Variants in SCHIP1 observed in about 807,000 individuals in gnomAD.
SCHIP1 encodes the protein schwannomin-interacting protein 1.
A neutral mutation model predicts 29.7 loss-of-function variants in SCHIP1; 8 were observed. The observed-to-expected ratio is 0.27, with a 90% CI of 0.16 to 0.49. The LOEUF (loss-of-function observed/expected upper bound fraction) is 0.49, where lower values mean the gene tolerates loss of function less well. SCHIP1 is among the 20% of genes least tolerant of loss of function. The pLI is 0.99. For missense variants in SCHIP1, 193 were observed against 294.6 expected (o/e 0.66, Z 2.52); for synonymous variants, 76 against 94.9 (o/e 0.80, Z 1.16).
At chr3:159,763,185 G>A in the SCHIP1 span, among the ~76,000 whole-genome samples, 1 of 152,180 alleles carries the variant, frequency 6.6e-6, no homozygotes, top group Non-Finnish European at 1.5e-5. Context: ...CTGGAGCTGC[G>A]CGGTGGAGGG....
the SCHIP1 span, among the ~76,000 whole-genome samples, chr3:159,438,882 G>A: frequency 1.4e-4 from 22 of 152,196 alleles, no homozygotes; most frequent in African/African-American, 4.8e-4. Flanking sequence ...TCTCTATCCT[G>A]TCTATCACTG....
the SCHIP1 span, among the ~76,000 whole-genome samples, chr3:159,522,787 T>C: frequency 6.6e-6 from 1 of 152,182 alleles, no homozygotes; most frequent in African/African-American, 2.4e-5. Flanking sequence ...GAGAATCCCT[T>C]GAACCTGGGA....
At chr3:159,357,450 G>GA in the SCHIP1 span, among the ~76,000 whole-genome samples, 1 of 152,186 alleles carries the variant, frequency 6.6e-6, no homozygotes, top group Non-Finnish European at 1.5e-5. Flanking sequence ...ACACAGACTG[G>GA]AAAATCAGTG....
chr3:159,786,976 C>T, the SCHIP1 span, among the ~76,000 whole-genome samples: 3 of 152,214 alleles, frequency 2.0e-5, no homozygotes, highest in African/African-American at 7.2e-5. Flanking sequence ...AGGTGCGTGA[C>T]TGGCCAGCTT....
chr3:159,800,172 A>ATG, the SCHIP1 span, among the ~76,000 whole-genome samples: 29 of 152,236 alleles, frequency 1.9e-4, no homozygotes, highest in African/African-American at 6.8e-4. Flanking sequence ...TAAAACACAG[A>ATG]TGAGTCTATG....
the SCHIP1 span, among the ~76,000 whole-genome samples, chr3:159,677,568 G>A: frequency 6.6e-6 from 1 of 152,176 alleles, no homozygotes; most frequent in Non-Finnish European, 1.5e-5. Context: ...GTTAGGTTAA[G>A]AGGACAGATG....
chr3:159,709,965 G>GAACC, the SCHIP1 span, among the ~76,000 whole-genome samples: 1 of 152,208 alleles, frequency 6.6e-6, no homozygotes, highest in African/African-American at 2.4e-5. Flanking sequence ...GGAGAAAAGG[G>GAACC]AACCCTTGCA....
chr3:159,715,586 C>T, the SCHIP1 span, among the ~76,000 whole-genome samples: 3 of 152,112 alleles, frequency 2.0e-5, no homozygotes, highest in South Asian at 2.1e-4. Flanking sequence ...AACCATGGCA[C>T]GAGAACTACG....
the SCHIP1 span, among the ~76,000 whole-genome samples, chr3:159,671,226 C>T: frequency 6.6e-6 from 1 of 152,170 alleles, no homozygotes; most frequent in African/African-American, 2.4e-5. Flanking sequence ...ACAACCTATT[C>T]TATGTACACT....
chr3:159,750,787 T>C, the SCHIP1 span, among the ~76,000 whole-genome samples: 2 of 152,026 alleles, frequency 1.3e-5, no homozygotes, highest in African/African-American at 4.8e-5. Flanking sequence ...GCTCCCAAAT[T>C]TGTGGTATGA....
intron 2 of SCHIP1, among the ~76,000 whole-genome samples, chr3:159,875,366 A>AT (rs199599141): frequency 0.029 from 4,461 of 151,862 alleles, 81 homozygotes; most frequent in Middle Eastern, 0.11. Context: ...TGTCTTATGA[A>AT]TTTTTTTTTA....
chr3:159,363,096 C>T, the SCHIP1 span, among the ~76,000 whole-genome samples: 7 of 152,172 alleles, frequency 4.6e-5, no homozygotes, highest in Non-Finnish European at 5.9e-5. Context: ...TGTATACTTA[C>T]TCTTCTTACT....
chr3:159,640,220 T>C, the SCHIP1 span, among the ~76,000 whole-genome samples: 2 of 152,170 alleles, frequency 1.3e-5, no homozygotes, highest in Non-Finnish European at 2.9e-5. Context: ...TGCAGGCCCG[T>C]CTGCTCTTCC....
At chr3:159,444,719 G>A in the SCHIP1 span, among the ~76,000 whole-genome samples, 1 of 152,108 alleles carries the variant, frequency 6.6e-6, no homozygotes, top group Non-Finnish European at 1.5e-5. Flanking sequence ...AGGTGGCAGG[G>A]ACAACTTCTA....
chr3:159,832,573 G>A, the SCHIP1 span, among the ~76,000 whole-genome samples: 1 of 152,026 alleles, frequency 6.6e-6, no homozygotes, highest in South Asian at 2.1e-4. Flanking sequence ...CCTAACACAC[G>A]ACTACTGAAA....
At chr3:159,797,623 A>G in the SCHIP1 span, among the ~76,000 whole-genome samples, 1 of 150,590 alleles carries the variant, frequency 6.6e-6, no homozygotes, top group Non-Finnish European at 1.5e-5. Flanking sequence ...CCCAGGCTGG[A>G]GTGCAGTGGC....
chr3:159,286,595 A>G, the SCHIP1 span, among the ~76,000 whole-genome samples: 1 of 152,150 alleles, frequency 6.6e-6, no homozygotes, highest in African/African-American at 2.4e-5. Flanking sequence ...ACCTAATAAT[A>G]GGATTGTTGG....
chr3:159,871,646 T>C (rs1715299938), intron 2 of SCHIP1, among the ~76,000 whole-genome samples: 1 of 152,154 alleles, frequency 6.6e-6, no homozygotes, highest in Admixed American at 6.6e-5. Context: ...GGGCTATGAA[T>C]TGCGACTGAG....
the SCHIP1 span, among the ~76,000 whole-genome samples, chr3:159,463,248 A>G: frequency 6.6e-6 from 1 of 152,134 alleles, no homozygotes; most frequent in Admixed American, 6.6e-5. Context: ...TTTTGTAAAT[A>G]TGTTTTAAAA....
Sources: gnomAD v4.1 joint callset for allele counts (sites outside exome capture counted in the v4.1 genomes callset) on GRCh38, gnomAD v4.1.1 for gene constraint, MANE v1.5 for transcripts, NCBI Gene and HGNC (gene_info 2026-07-23, HGNC 2026-07-21) for gene names.